Variants in RBFOX1 observed in about 807,000 individuals in gnomAD.
The protein encoded by RBFOX1 is RNA binding fox-1 homolog 1.
RBFOX1 carries 8 observed loss-of-function variants against 57.7 expected under a neutral mutation model. The ratio of observed to expected loss-of-function variants is 0.14; its 90% CI spans 0.08 to 0.25. The LOEUF is 0.25. Among genes scored for constraint, RBFOX1 ranks in the 10% least tolerant of loss-of-function variants. The pLI is 1.00. For missense variants in RBFOX1, 611 were observed against 548.5 expected, an observed-to-expected ratio of 1.11 and a Z score of -1.14; for synonymous variants, 326 against 222.4, an observed-to-expected ratio of 1.47 and a Z score of -4.15.
chr16:6,734,027 C>T (rs1021997371), intron 3 of RBFOX1, among the ~76,000 whole-genome samples: 1 of 152,192 alleles, frequency 6.6e-6, no homozygotes, highest in African/African-American at 2.4e-5. Flanking sequence ...CAGTTTAACA[C>T]GTGCTTATGT....
intron 4 of RBFOX1, among the ~76,000 whole-genome samples, chr16:7,251,570 C>T (rs1386292082): frequency 6.6e-6 from 1 of 152,012 alleles, no homozygotes; most frequent in East Asian, 1.9e-4. Flanking sequence ...CCCCTCGCCG[C>T]CATCAAGCCC....
At chr16:6,271,643 A>T (rs74005064) in intron 1 of RBFOX1, among the ~76,000 whole-genome samples, 12,924 of 152,220 alleles carry the variant, frequency 0.085, 760 homozygotes, top group Middle Eastern at 0.18. Flanking sequence ...GCAGATGTCA[A>T]AAAGGTAGTA....
intron 3 of RBFOX1, among the ~76,000 whole-genome samples, chr16:5,681,533 CA>C (rs1430752624): frequency 6.6e-6 from 1 of 151,422 alleles, no homozygotes; most frequent in East Asian, 2.0e-4. Flanking sequence ...GGATTACAGG[CA>C]CGTGCAACCA....
chr16:7,283,678 C>G (rs2095593242), intron 4 of RBFOX1, among the ~76,000 whole-genome samples: 1 of 152,072 alleles, frequency 6.6e-6, no homozygotes, highest in Admixed American at 6.6e-5. Flanking sequence ...AAATAAGACT[C>G]TCATATTGTT....
intron 1 of RBFOX1, among the ~76,000 whole-genome samples, chr16:6,108,609 C>T (rs982567536): frequency 6.6e-6 from 1 of 152,138 alleles, no homozygotes; most frequent in Non-Finnish European, 1.5e-5. Context: ...AATTGTCACA[C>T]AGTTGGTGGC....
chr16:7,053,992 T>C (rs960098791), intron 4 of RBFOX1, among the ~76,000 whole-genome samples: 7 of 152,036 alleles, frequency 4.6e-5, no homozygotes, highest in African/African-American at 1.4e-4. Context: ...CCCACGTGAC[T>C]TAGGCGTCTA....
intron 1 of RBFOX1, among the ~76,000 whole-genome samples, chr16:6,288,254 A>T (rs982092298): frequency 1.6e-4 from 25 of 152,174 alleles, no homozygotes; most frequent in African/African-American, 5.1e-4. Flanking sequence ...TTTTATAGCG[A>T]TGTTTATCAA....
intron 2 of RBFOX1, among the ~76,000 whole-genome samples, chr16:5,555,686 C>T (rs977778028): frequency 2.6e-5 from 4 of 151,946 alleles, no homozygotes; most frequent in East Asian, 1.9e-4. Flanking sequence ...AGGGCAGAGA[C>T]GGGGAAGTGT....
chr16:6,214,176 C>G (rs1458262702), intron 1 of RBFOX1, among the ~76,000 whole-genome samples: 3 of 152,244 alleles, frequency 2.0e-5, no homozygotes, highest in Admixed American at 6.5e-5. Flanking sequence ...CTCTCTCCTT[C>G]TCTCCCACTG....
At chr16:7,204,457 C>T (rs1375299351) in intron 4 of RBFOX1, among the ~76,000 whole-genome samples, 1 of 152,126 alleles carries the variant, frequency 6.6e-6, no homozygotes, top group African/African-American at 2.4e-5. Flanking sequence ...GCCTAAGCAA[C>T]ATAGTAAGAC....
chr16:5,674,875 G>A (rs772525624), intron 3 of RBFOX1, among the ~76,000 whole-genome samples: 28 of 152,106 alleles, frequency 1.8e-4, no homozygotes, highest in Admixed American at 1.1e-3. Flanking sequence ...GAATATGGTG[G>A]GTGGCTCATG....
At chr16:5,827,516 A>G (rs1322736982) in intron 3 of RBFOX1, among the ~76,000 whole-genome samples, 4 of 151,900 alleles carry the variant, frequency 2.6e-5, no homozygotes, top group African/African-American at 9.7e-5. Context: ...CTCCCTCTAC[A>G]TCAAGACTCC....
At chr16:5,730,991 C>T (rs1225659421) in intron 3 of RBFOX1, among the ~76,000 whole-genome samples, 1 of 148,546 alleles carries the variant, frequency 6.7e-6, no homozygotes, top group Non-Finnish European at 1.5e-5. Flanking sequence ...CTACCATCAT[C>T]ACCATTACCA....
intron 1 of RBFOX1, among the ~76,000 whole-genome samples, chr16:6,279,744 T>C (rs2076187199): frequency 6.6e-6 from 1 of 152,206 alleles, no homozygotes; most frequent in East Asian, 1.9e-4. Flanking sequence ...CTGAATTTTC[T>C]TTTGCCATCA....
intron 3 of RBFOX1, among the ~76,000 whole-genome samples, chr16:6,971,039 T>C (rs1200215246): frequency 6.6e-6 from 1 of 152,184 alleles, no homozygotes; most frequent in Non-Finnish European, 1.5e-5. Context: ...AACCATACTA[T>C]CTAATCTGTC....
chr16:7,156,315 TATAG>T (rs2077122239), intron 4 of RBFOX1, among the ~76,000 whole-genome samples: 1 of 152,058 alleles, frequency 6.6e-6, no homozygotes, highest in Non-Finnish European at 1.5e-5. Context: ...ATTATACATA[TATAG>T]ACTTGCAGCA....
At chr16:6,616,790 C>T (rs575955233) in intron 2 of RBFOX1, among the ~76,000 whole-genome samples, 2 of 152,352 alleles carry the variant, frequency 1.3e-5, no homozygotes, top group East Asian at 3.9e-4. Context: ...GAGTGAGCTA[C>T]AGCCATTATT....
At chr16:7,507,134 T>G (rs1011119770) in intron 4 of RBFOX1, among the ~76,000 whole-genome samples, 4 of 152,222 alleles carry the variant, frequency 2.6e-5, no homozygotes, top group Non-Finnish European at 5.9e-5. Context: ...TGCCTCAATA[T>G]TTGACTTTGA....
chr16:5,903,234 A>G (rs973481408), intron 4 of RBFOX1, among the ~76,000 whole-genome samples: 13 of 152,314 alleles, frequency 8.5e-5, no homozygotes, highest in Middle Eastern at 6.8e-3. Context: ...AACACCTGCC[A>G]TAATATTCTC....
Sources: gnomAD v4.1 joint callset for allele counts (sites outside exome capture counted in the v4.1 genomes callset) on GRCh38, gnomAD v4.1.1 for gene constraint, MANE v1.5 for transcripts, NCBI Gene and HGNC (gene_info 2026-07-23, HGNC 2026-07-21) for gene names.